GGA1: variants seen among roughly 807,000 people sequenced by gnomAD.
The protein encoded by GGA1 is ADP-ribosylation factor-binding protein GGA1.
GGA1 carries 18 observed loss-of-function variants against 76.9 expected under a neutral mutation model. The observed-to-expected ratio is 0.23, with a 90% confidence interval of 0.16 to 0.35. The LOEUF is 0.35. Ranked by LOEUF, GGA1 falls within the 10% of genes least tolerant of loss-of-function variation. The probability of loss-of-function intolerance (pLI) is 1.00; values close to 1 mark genes in which losing one functional copy is unlikely to be tolerated. For synonymous variants in GGA1, 342 were observed against 354.7 expected (o/e 0.96, Z 0.40); for missense variants, 755 against 859.0 (o/e 0.88, Z 1.51).
Position 37,625,100 on chromosome 22 carries a change from G to T in GGA1, c.940+24G>T. 6.4e-7 allele frequency: 1 copy of T among 1,561,214 alleles called. No homozygotes were observed. The highest frequency in any genetic ancestry group is 8.7e-7 in the Non-Finnish European group (1 of 1,151,186). Reference sequence around the variant, plus strand: ...TGGTGAGGAGGTGGCAGGAGAGCTGGGAGGGCACCCATCAGGCTGGAGGGG... The same window carrying T: ...TGGTGAGGAGGTGGCAGGAGAGCTGTGAGGGCACCCATCAGGCTGGAGGGG... On this transcript the variant is annotated intron_variant, in intron 10 of 16. Transcript: ENST00000343632. The surrounding 1 kb of genome is among the most constrained non-coding windows in gnomAD (Gnocchi z 4.1).
chr22:37,632,516 G>T lies in GGA1; in HGVS notation c.1809+1G>T, dbSNP rs1397993176. 6 of 1,609,238 alleles carry T rather than the reference G, an allele frequency of 3.7e-6. No individual in the cohort carries two copies. The Admixed American group carries it at 8.3e-5, about 22-fold the overall frequency. On this transcript the variant is annotated splice_donor_variant, in intron 16 of 16. Transcript: ENST00000343632. LOFTEE classifies it high-confidence loss of function. The surrounding 1 kb of genome is among the most constrained non-coding windows in gnomAD (Gnocchi z 5.1). The stretch of plus-strand genomic sequence containing the variant: ...CCTGCTGCTTGCCAACCCCCAGAAG[G>T]TAAGGGGCCCCCAGGCAGTGCTGCA...
rs1360666261 is a variant in GGA1, at chr22:37,625,261, G to A, written c.940+185G>A. Among the ~76,000 whole-genome samples the A allele has an allele frequency of 6.6e-6, 1 of 152,166 alleles. No individual in the cohort carries two copies. Among genetic ancestry groups the A allele is most frequent in the Non-Finnish European group, 1.5e-5 (1 of 68,018 alleles). ...TCTGTGCCAAGCCTGCAGCTGTGGG[G>A]GAAGAAGTCTGGTGGGGGAGCTGAG... On this transcript the variant is annotated intron_variant, in intron 10 of 16. Coordinates refer to ENST00000343632, the MANE Select transcript of GGA1 (RefSeq NM_013365.5). The surrounding 1 kb of genome is among the most constrained non-coding windows in gnomAD (Gnocchi z 4.1).
intron 14 of GGA1, 106 bp downstream of exon 14, chr22:37,631,205 C>A: frequency 1.1e-6 from 1 of 895,824 alleles, no homozygotes; most frequent in Non-Finnish European, 1.6e-6. Context: ...CCTGGCTCTG[C>A]CACTGGCCAA....
intron 2 of GGA1, among the ~76,000 whole-genome samples, chr22:37,616,173 C>T (rs770013677): frequency 2.6e-5 from 4 of 152,098 alleles, no homozygotes; most frequent in Admixed American, 6.5e-5. Context: ...GCTCCCCAGG[C>T]GATACTAAAG....
At chr22:37,629,643 A>AG in intron 12 of GGA1, 117 bp downstream of exon 12, 1 of 672,684 alleles carries the variant, frequency 1.5e-6, no homozygotes, top group Non-Finnish European at 2.4e-6. Context: ...GCCCAGGGCC[A>AG]GGGGGTGGCC....
chr22:37,619,333 G>A (rs958036324), intron 4 of GGA1, among the ~76,000 whole-genome samples: 7 of 151,796 alleles, frequency 4.6e-5, no homozygotes, highest in East Asian at 1.9e-4. Flanking sequence ...CCAAAGTGCC[G>A]GGATTACAGG....
rs1393089345 is a variant in GGA1, at chr22:37,620,884, G to A, written c.499G>A (p.Val167Met). ...FPLPPPRPKN[V>M]IFEDEEKSKM... ...CCTTCCTCCTCCACGGCCGAAGAAT[G>A]TGATCTTTGAAGATGAGGAGAAATC... Residue 167 changes from valine to methionine, a missense_variant, in exon 6 of 17, where the codon GTG becomes ATG. Transcript: ENST00000343632. The A allele has an allele frequency of 1.2e-6, 2 of 1,611,338 alleles. No homozygotes were observed. Among genetic ancestry groups the A allele is most frequent in the African/African-American group, 1.3e-5 (1 of 75,000 alleles).
chr22:37,620,550 A>G (rs1929692202), intron 5 of GGA1, among the ~76,000 whole-genome samples, 189 bp downstream of exon 5: 1 of 152,190 alleles, frequency 6.6e-6, no homozygotes. Context: ...GGGTGGAAAG[A>G]AGGTGAGTTC....
At chr22:37,617,601 A>C in intron 3 of GGA1, 1 of 897,464 alleles carries the variant, frequency 1.1e-6, no homozygotes, top group Non-Finnish European at 1.3e-6. Context: ...GGGGAGGCCA[A>C]GGCAGGAGGC....
Position 37,625,681 on chromosome 22 carries a change from G to A in GGA1, c.941-116G>A. 1.4e-6 allele frequency: 1 copy of A among 730,942 alleles called. No homozygotes were observed. The highest frequency in any genetic ancestry group is 2.1e-6 in the Non-Finnish European group (1 of 468,488). 45.3% of individuals were successfully genotyped at this position (730,942 alleles called of 1,614,324 possible). A position where few individuals can be genotyped will look rare whatever the true frequency, so the allele number is the denominator to read the frequency against. On this transcript the variant is annotated intron_variant, in intron 10 of 16. Transcript: ENST00000343632. This position sits in a 1 kb window ranked among gnomAD's most constrained non-coding sequence, Gnocchi z 4.1. ...GGGCTGGTGTGGCCAAGGAAGGGGA[G>A]GCAGGAGACCAGTGGTAAAGCATCG...
At chr22:37,609,387 C>T (rs1927046766) in intron 1 of GGA1, 4 of 1,026,284 alleles carry the variant, frequency 3.9e-6, no homozygotes, top group African/African-American at 3.5e-5. Context: ...ATTACCCCGT[C>T]CTGGAAGGGA....
At chr22:37,616,820 G>A in intron 2 of GGA1, 102 bp from the exon 3 acceptor site, 1 of 1,385,230 alleles carries the variant, frequency 7.2e-7, no homozygotes, top group Non-Finnish European at 9.4e-7. Flanking sequence ...GGCGACCAGG[G>A]CCCCTTGGAG....
chr22:37,617,734 A>G (rs1929077959), intron 3 of GGA1: 1 of 835,010 alleles, frequency 1.2e-6, no homozygotes, highest in Non-Finnish European at 1.4e-6. Flanking sequence ...ATTTGTTTTA[A>G]CATTTTTTTC....
At position 37,632,756 on chromosome 22, in the gene GGA1, G is replaced by T. The variant is rs1450477069; in HGVS notation, c.*45G>T. ...GGAAGGGGCAGAGGGACCGGTCACT[G>T]TCCAGCCTGGAGGGAGGCATTGGTG... On this transcript the variant is annotated 3_prime_UTR_variant, in exon 17 of 17. Coordinates refer to ENST00000343632, the MANE Select transcript of GGA1 (RefSeq NM_013365.5). This position sits in a 1 kb window ranked among gnomAD's most constrained non-coding sequence, Gnocchi z 5.1. 1 of 1,174,034 alleles carries T rather than the reference G, an allele frequency of 8.5e-7. No individual in the cohort carries two copies. Among genetic ancestry groups the T allele is most frequent in the East Asian group, 2.5e-5 (1 of 39,544 alleles). 72.7% of individuals were successfully genotyped at this position (1,174,034 alleles called of 1,614,324 possible).
At chr22:37,619,062 G>GT (rs1929350512) in intron 4 of GGA1, among the ~76,000 whole-genome samples, 1 of 152,020 alleles carries the variant, frequency 6.6e-6, no homozygotes, top group Non-Finnish European at 1.5e-5. Flanking sequence ...GACCATGAAC[G>GT]TTTCTTTTTC....
rs144563403 is a variant in GGA1, at chr22:37,620,826, C to T, written c.441C>T (p.Ser147=). 2.7e-4 allele frequency: 432 copies of T among 1,606,446 alleles called. 1 individual carries two copies. The East Asian group carries it at 7.4e-3, about 27-fold the overall frequency. The change falls in exon 6 of 17, where the codon TCC becomes TCT. Residue 147 remains serine (S), a synonymous_variant. Coordinates refer to ENST00000343632, the MANE Select transcript of GGA1 (RefSeq NM_013365.5). The part of the protein sequence containing the change: ...QMLKKQGIVK[S]DPKLPDDTTF... ...CATCTAATCCAGGGATTGTAAAGTCCGACCCCAAGCTTCCAGATGACACTA... is the reference window on the plus strand; with the variant it reads ...CATCTAATCCAGGGATTGTAAAGTCTGACCCCAAGCTTCCAGATGACACTA...
At chr22:37,614,640 A>C (rs1159697673) in intron 2 of GGA1, among the ~76,000 whole-genome samples, 2 of 152,226 alleles carry the variant, frequency 1.3e-5, no homozygotes, top group African/African-American at 4.8e-5. Flanking sequence ...GGAGGCCAGT[A>C]GGCCCTTTGC....
At chr22:37,617,342 G>T in intron 3 of GGA1, 4 of 1,190,046 alleles carry the variant, frequency 3.4e-6, no homozygotes, top group Non-Finnish European at 4.2e-6. Context: ...CACACTCCTG[G>T]AGTATCTGCA....
rs75248584 is a variant in GGA1, at chr22:37,629,347, G to A, written c.1094-115G>A. The A allele has an allele frequency of 3.9e-3, 2,728 of 703,944 alleles. 64 individuals carry two copies. The African/African-American group carries it at 0.046, about 12-fold the overall frequency. 43.6% of individuals were successfully genotyped at this position (703,944 alleles called of 1,614,324 possible). Reference sequence around the variant, plus strand: ...CTGAAAATGTGGGTTTCTCCCCTCCGTGCTGAGCCTCAGAAAGGGGTAGGG... The same window carrying A: ...CTGAAAATGTGGGTTTCTCCCCTCCATGCTGAGCCTCAGAAAGGGGTAGGG... On this transcript the variant is annotated intron_variant, in intron 11 of 16. Transcript: ENST00000343632.
Sources: allele counts gnomAD v4.1 joint callset (sites outside exome capture counted in the v4.1 genomes callset), GRCh38; gene constraint gnomAD v4.1.1; non-coding constraint Gnocchi (gnomAD v3.1); transcripts MANE v1.5; gene names NCBI Gene and HGNC (gene_info 2026-07-23, HGNC 2026-07-21).